The following ZNF850 variants were observed in gnomAD, a reference collection of about 807,000 sequenced individuals.
The protein encoded by ZNF850 is putative zinc finger protein ENSP00000330994.
Under a neutral mutation model 11.9 loss-of-function variants are expected in ZNF850, and 2 were observed. That is an observed-to-expected ratio of 0.17 (90% CI 0.07 to 0.53). The LOEUF (loss-of-function observed/expected upper bound fraction) is 0.53, where lower values mean the gene tolerates loss of function less well. Among genes scored for constraint, ZNF850 ranks in the 20% least tolerant of loss-of-function variants. The probability of loss-of-function intolerance (pLI) is 0.94; values close to 1 mark genes in which losing one functional copy is unlikely to be tolerated. For synonymous variants in ZNF850, 381 were observed against 443.0 expected (o/e 0.86, Z 1.76); for missense variants, 1,014 against 1,316.4 (o/e 0.77, Z 3.55).
chr19:36,749,554 G>T lies in ZNF850; in HGVS notation c.1486C>A (p.Gln496Lys). The T allele has an allele frequency of 6.5e-7, 1 of 1,546,184 alleles. No homozygotes were observed. Among genetic ancestry groups the T allele is most frequent in the Non-Finnish European group, 8.7e-7 (1 of 1,150,942 alleles). ...GGTTTCTCACCAGTGTGGATTCGCT[G>T]GTGTCGATTGCGTGTTGAGCGAAAA... ...FTFRSTRNRH[Q>K]RIHTGEKPYN... Residue 496 changes from glutamine to lysine, a missense_variant, in exon 5 of 5, where the codon CAG becomes AAG. Around this residue, in one of 2 missense-constraint regions of ZNF850, gnomAD observed 835 missense variants for 1,022.0 expected, o/e 0.82. Transcript: ENST00000591344.
chr19:36,765,943 C>A (rs2040546999), intron 1 of ZNF850, among the ~76,000 whole-genome samples: 1 of 151,696 alleles, frequency 6.6e-6, no homozygotes, highest in Non-Finnish European at 1.5e-5. Context: ...GGCTAGCGTG[C>A]AGTGAGGTGA....
chr19:36,751,613 A>T (rs1884510669), intron 4 of ZNF850, among the ~76,000 whole-genome samples: 1 of 141,760 alleles, frequency 7.1e-6, no homozygotes, highest in South Asian at 2.3e-4. Flanking sequence ...CAGGAGAATC[A>T]CTTGAGCCCG....
chr19:36,766,650 G>A (rs555557068), intron 1 of ZNF850, among the ~76,000 whole-genome samples: 1 of 152,224 alleles, frequency 6.6e-6, no homozygotes, highest in East Asian at 1.9e-4. Context: ...AAGGAAGGGG[G>A]CTGTATAGAA....
At chr19:36,766,114 A>G (rs904470028) in intron 1 of ZNF850, among the ~76,000 whole-genome samples, 18 of 149,934 alleles carry the variant, frequency 1.2e-4, no homozygotes, top group Admixed American at 1.0e-3. Flanking sequence ...CTGGTCTCAA[A>G]CTCCTGGCCT....
At position 36,750,750 on chromosome 19, in the gene ZNF850, T is replaced by G; in HGVS notation, c.290A>C (p.Glu97Ala). The G allele has an allele frequency of 6.5e-7, 1 of 1,528,084 alleles. No homozygotes were observed. The highest frequency in any genetic ancestry group is 8.8e-7 in the Non-Finnish European group (1 of 1,142,502). The allele number at this position is 1,528,084 out of a possible 1,614,324, so 94.7% of individuals were successfully genotyped here. A position where few individuals can be genotyped will look rare whatever the true frequency, so the allele number is the denominator to read the frequency against. The change falls in exon 5 of 5, where the codon GAA (glutamate) becomes GCA (alanine). Residue 97 changes from glutamate (E) to alanine (A), a missense_variant. Transcript: ENST00000591344. ...TCTCACCCACTGAGATGATGTTACT[T>G]CATAGATTTCTTTTGGCAAACATGA... ...KDSCLPKEIYEVTSSQWVRME... is the reference protein window; with the variant it reads ...KDSCLPKEIYAVTSSQWVRME...
In ZNF850 at chr19:36,762,694, C is replaced by A; in HGVS notation, c.-69-19G>T. On this transcript the variant is annotated intron_variant, in intron 1 of 4. Coordinates refer to ENST00000591344, the MANE Select transcript of ZNF850 (RefSeq NM_001193552.2). ...GTTAGAGCTGGGAATGAATAAAACA[C>A]ATTGATATATTATTTCCCAAATAAA... 7.5e-7 allele frequency: 1 copy of A among 1,324,662 alleles called. No individual in the cohort carries two copies. The highest frequency in any genetic ancestry group is 1.0e-6 in the Non-Finnish European group (1 of 955,770). 82.1% of individuals were successfully genotyped at this position (1,324,662 alleles called of 1,614,324 possible). A position where few individuals can be genotyped will look rare whatever the true frequency, so the allele number is the denominator to read the frequency against.
At chr19:36,751,714 A>G (rs1173796757) in intron 4 of ZNF850, among the ~76,000 whole-genome samples, 1 of 150,668 alleles carries the variant, frequency 6.6e-6, no homozygotes, top group African/African-American at 2.4e-5. Flanking sequence ...AAAAAAAAAA[A>G]AAAAAAAAAA....
Position 36,749,896 on chromosome 19 carries a change from G to A in ZNF850, c.1144C>T (p.Arg382Ter), listed in dbSNP as rs1222855653. ...TCACCAGTGTGAATTCGCTGATGTC[G>A]AATTAGAGCTGAGTGAAAAGTAAAA... ...KSFTFHSALIRHQRIHTGEKP... is the reference protein window; with the variant it reads ...KSFTFHSALI Residue 382 changes from arginine to a stop codon, truncating the protein, a stop_gained, in exon 5 of 5, where the codon CGA becomes TGA. Transcript: ENST00000591344. LOFTEE classifies it low-confidence loss of function (END_TRUNC). 12 of 1,577,764 alleles carry A rather than the reference G, an allele frequency of 7.6e-6. No homozygotes were observed. The highest frequency in any genetic ancestry group is 1.7e-4 in the Middle Eastern group (1 of 6,032).
Position 36,745,941 on chromosome 19 carries a change from A to G in ZNF850, c.*1826T>C, listed in dbSNP as rs1457674951. On this transcript the variant is annotated 3_prime_UTR_variant, in exon 5 of 5. Transcript: ENST00000591344. ...ACGACCAGAGGTCACTCTTGTCACC[A>G]TCTTGGATTTGGCCGACTTCTTTAC... 2 of 152,214 alleles carry G rather than the reference A, an allele frequency of 1.3e-5. No individual in the cohort carries two copies. Among genetic ancestry groups the G allele is most frequent in the African/African-American group, 4.8e-5 (2 of 41,460 alleles). The allele number at this position is 152,214 out of a possible 1,614,324, so 9.4% of individuals were successfully genotyped here.
chr19:36,755,407 A>G (rs1481708431), intron 4 of ZNF850, among the ~76,000 whole-genome samples: 1 of 152,068 alleles, frequency 6.6e-6, no homozygotes, highest in Non-Finnish European at 1.5e-5. Flanking sequence ...TTGTATTTTT[A>G]GTACAGAAAG....
chr19:36,759,224 A>C (rs768743199), intron 4 of ZNF850, among the ~76,000 whole-genome samples: 8 of 152,230 alleles, frequency 5.3e-5, no homozygotes, highest in Non-Finnish European at 8.8e-5. Flanking sequence ...TAATCCCAGC[A>C]GTTTGGGAAA....
chr19:36,756,226 A>G (rs1411122595), intron 4 of ZNF850, among the ~76,000 whole-genome samples: 1 of 152,136 alleles, frequency 6.6e-6, no homozygotes, highest in Non-Finnish European at 1.5e-5. Context: ...TTTAAGTGCC[A>G]TATCACCTAC....
At chr19:36,762,766 C>G (rs1811034751) in intron 1 of ZNF850, 91 bp from the exon 2 acceptor site, 1 of 712,886 alleles carries the variant, frequency 1.4e-6, no homozygotes. Flanking sequence ...CCTAGCAAAG[C>G]TGAAAGAATA....
rs771905632 is a variant in ZNF850, at chr19:36,749,432, C to T, written c.1608G>A (p.Lys536=). 11 of 1,549,738 alleles carry T rather than the reference C, an allele frequency of 7.1e-6. No individual in the cohort carries two copies. Among genetic ancestry groups the T allele is most frequent in the Non-Finnish European group, 9.5e-6 (11 of 1,152,472 alleles). ...IHTGEKPYHC[K]ECGKSFTFRS... ...GAAAAGTAAAAGATTTTCCACATTCCTTACAATGATAGGGTTTCTCACCAG... is the reference window on the plus strand; with the variant it reads ...GAAAAGTAAAAGATTTTCCACATTCTTTACAATGATAGGGTTTCTCACCAG... Residue 536 remains lysine, a synonymous_variant, in exon 5 of 5, where the codon AAG becomes AAA. Transcript: ENST00000591344.
At position 36,762,684 on chromosome 19, in the gene ZNF850, G is replaced by C; in HGVS notation, c.-69-9C>G. The C allele has an allele frequency of 1.4e-6, 2 of 1,379,736 alleles. No homozygotes were observed. The highest frequency in any genetic ancestry group is 2.0e-6 in the Non-Finnish European group (2 of 1,005,146). The allele number at this position is 1,379,736 out of a possible 1,614,324, so 85.5% of individuals were successfully genotyped here. On this transcript the variant is annotated splice_polypyrimidine_tract_variant and intron_variant, in intron 1 of 4. Coordinates refer to ENST00000591344, the MANE Select transcript of ZNF850 (RefSeq NM_001193552.2). ...ATATTCCATGGTTAGAGCTGGGAAT[G>C]AATAAAACACATTGATATATTATTT...
rs540955164 is a variant in ZNF850, at chr19:36,749,635, G to A, written c.1405C>T (p.Arg469Trp). ...TAGGGTTTCTCACCAGTGTGAATCCGCTGATGTTGAAGTAGTGCTGAGCCC... is the reference window on the plus strand; with the variant it reads ...TAGGGTTTCTCACCAGTGTGAATCCACTGATGTTGAAGTAGTGCTGAGCCC... Reference protein sequence around the residue: ...ASGSALLQHQRIHTGEKPYCC... With the variant: ...ASGSALLQHQWIHTGEKPYCC... The change falls in exon 5 of 5, where the codon CGG becomes TGG. Residue 469 changes from arginine to tryptophan, a missense_variant. Around this residue, in one of 2 missense-constraint regions of ZNF850, gnomAD observed 835 missense variants for 1,022.0 expected, o/e 0.82. Coordinates refer to ENST00000591344, the MANE Select transcript of ZNF850 (RefSeq NM_001193552.2). The A allele has an allele frequency of 8.2e-5, 128 of 1,552,752 alleles. No individual in the cohort carries two copies. The African/African-American group carries it at 9.0e-4, about 11-fold the overall frequency.
Position 36,750,575 on chromosome 19 carries a change from T to A in ZNF850, c.465A>T (p.Thr155=), listed in dbSNP as rs902496770. ...YETTPTFCLQ[T]SLTLHHRIHP... Reference sequence around the variant, plus strand: ...GAATCCGATGATGCAGAGTGAGAGATGTCTGTAGGCAGAAAGTTGGTGTTG... The same window carrying A: ...GAATCCGATGATGCAGAGTGAGAGAAGTCTGTAGGCAGAAAGTTGGTGTTG... The change falls in exon 5 of 5, where the codon ACA becomes ACT. Residue 155 remains threonine (T), a synonymous_variant. Transcript: ENST00000591344. 2.6e-6 allele frequency: 4 copies of A among 1,536,186 alleles called. No individual in the cohort carries two copies. The highest frequency in any genetic ancestry group is 1.7e-6 in the Non-Finnish European group (2 of 1,146,928).
At chr19:36,758,320 T>A (rs2040499157) in intron 4 of ZNF850, among the ~76,000 whole-genome samples, 1 of 152,014 alleles carries the variant, frequency 6.6e-6, no homozygotes, top group African/African-American at 2.4e-5. Context: ...TGGGAAAAAA[T>A]TAAAGGCAAA....
rs1363959165 is a variant in ZNF850 at position 36,744,727 on chromosome 19, C to T, written c.*3040G>A. The stretch of plus-strand genomic sequence containing the variant: ...ATCTCCAAGGAAGCAGTTACAAAAA[C>T]ATGGAGAATAATAAATGACAGAGTA... On this transcript the variant is annotated 3_prime_UTR_variant, in exon 5 of 5. Transcript: ENST00000591344. 6.6e-6 allele frequency: 1 copy of T among 152,188 alleles called. No individual in the cohort carries two copies. Among genetic ancestry groups the T allele is most frequent in the Non-Finnish European group, 1.5e-5 (1 of 68,040 alleles). The allele number at this position is 152,188 out of a possible 1,614,324, so 9.4% of individuals were successfully genotyped here. A position where few individuals can be genotyped will look rare whatever the true frequency, so the allele number is the denominator to read the frequency against.
Sources: gnomAD v4.1 joint callset for allele counts (sites outside exome capture counted in the v4.1 genomes callset) on GRCh38, gnomAD v4.1.1 for gene constraint, gnomAD v4.1.1 regional missense constraint, MANE v1.5 for transcripts, NCBI Gene and HGNC (gene_info 2026-07-23, HGNC 2026-07-21) for gene names.